Variants in MCTS1 observed in about 807,000 individuals in gnomAD.
MCTS1 encodes MCTS1 re-initiation and release factor.
For missense variants in MCTS1, 55 were observed against 128.6 expected, an observed-to-expected ratio of 0.43 and a Z score of 2.77; for synonymous variants, 26 against 40.8, an observed-to-expected ratio of 0.64 and a Z score of 1.38.
rs1254933308 is a variant in MCTS1 at position 120,620,179 on chromosome X, G to A, written c.*7915G>A. Reference sequence around the variant, plus strand: ...AAAAATTAACCGGACGCAGTGGTGGGCGCCTGTAGTCCCAGCTACTCGGGA... The same window carrying A: ...AAAAATTAACCGGACGCAGTGGTGGACGCCTGTAGTCCCAGCTACTCGGGA... On this transcript the variant is annotated 3_prime_UTR_variant, in exon 6 of 6. Transcript: ENST00000371317. Among the ~76,000 whole-genome samples, 1 of 110,039 alleles carries A rather than the reference G, an allele frequency of 9.1e-6. No individual in the cohort carries two copies. Among genetic ancestry groups the A allele is most frequent in the Non-Finnish European group, 1.9e-5 (1 of 52,805 alleles).
In MCTS1 at chrX:120,616,021, A is replaced by C. The variant is rs1054644456; in HGVS notation, c.*3757A>C. Among the ~76,000 whole-genome samples the C allele has an allele frequency of 1.3e-4, 15 of 113,032 alleles. No homozygotes were observed. The highest frequency in any genetic ancestry group is 2.1e-4 in the Non-Finnish European group (11 of 53,422). On this transcript the variant is annotated 3_prime_UTR_variant, in exon 6 of 6. Coordinates refer to ENST00000371317, the MANE Select transcript of MCTS1 (RefSeq NM_014060.3). ...AGTATAATACTTCAGAGGAAGAGAT[A>C]AGAATTACAATTCACTAAATTCGTG...
At chrX:120,611,225 A>G in intron 5 of MCTS1, 147 bp downstream of exon 5, 1 of 481,702 alleles carries the variant, frequency 2.1e-6, no homozygotes, top group Admixed American at 3.8e-5. Flanking sequence ...ATTTCCTAAC[A>G]CTTAGGAAGC....
rs1336605290 is a variant in MCTS1 at position 120,617,796 on chromosome X, TTTC to T, written c.*5538_*5540del. ...TAATAATCTATGGTGAAATAGGTAA[TTTC>T]TTCTTATTTTCACAAGCGTGTGAGT... On this transcript the variant is annotated 3_prime_UTR_variant, in exon 6 of 6. Coordinates refer to ENST00000371317, the MANE Select transcript of MCTS1 (RefSeq NM_014060.3). 6.2e-5 allele frequency among the ~76,000 whole-genome samples: 7 copies of T among 112,577 alleles called. No individual in the cohort carries two copies. Among genetic ancestry groups the T allele is most frequent in the African/African-American group, 1.3e-4 (4 of 31,004 alleles).
At chrX:120,608,449 T>C in intron 4 of MCTS1, 91 bp downstream of exon 4, 1 of 952,182 alleles carries the variant, frequency 1.1e-6, no homozygotes, top group Non-Finnish European at 1.4e-6. Flanking sequence ...GAACATTAGA[T>C]GTACTTTTTT....
rs140159145 is a variant in MCTS1, at chrX:120,619,620, T to C, written c.*7356T>C. On this transcript the variant is annotated 3_prime_UTR_variant, in exon 6 of 6. Coordinates refer to ENST00000371317, the MANE Select transcript of MCTS1 (RefSeq NM_014060.3). The stretch of plus-strand genomic sequence containing the variant: ...TCTCCTCTTGTATTTCATAAAATGT[T>C]AAATCTTGGCCCAAATTCAAATCAC... Among the ~76,000 whole-genome samples the C allele has an allele frequency of 0.013, 1,474 of 111,004 alleles. 26 individuals carry two copies. The highest frequency in any genetic ancestry group is 0.045 in the African/African-American group (1,385 of 30,514).
At chrX:120,609,022 A>G (rs1213650235) in intron 4 of MCTS1, among the ~76,000 whole-genome samples, 2 of 111,792 alleles carry the variant, frequency 1.8e-5, no homozygotes, top group African/African-American at 6.5e-5. Context: ...TTCCATTTCT[A>G]CCATGCTGTT....
chrX:120,608,595 G>A, intron 4 of MCTS1: 1 of 237,784 alleles, frequency 4.2e-6, no homozygotes, highest in African/African-American at 2.8e-5. Flanking sequence ...TTACAGAAGA[G>A]TCTCAGCTGC....
Position 120,608,346 on chromosome X carries a change from A to T in MCTS1, c.384A>T (p.Val128=), listed in dbSNP as rs1186415034. 4 of 1,192,595 alleles carry T rather than the reference A, an allele frequency of 3.4e-6. No individual in the cohort carries two copies. In the Admixed American group the frequency reaches 9.0e-5, roughly 27 times the overall value. The change falls in exon 4 of 6, where the codon GTA becomes GTT. Residue 128 remains valine (V), a synonymous_variant. Transcript: ENST00000371317. ...SPGAKLYPAA[V]DTIVAIMAEG... The stretch of plus-strand genomic sequence containing the variant: ...GAGCTAAGCTTTACCCTGCTGCAGT[A>T]GATACCATTGTTGTATCCTTCCCAG...
chrX:120,606,503 G>A (rs1380026426), intron 3 of MCTS1, among the ~76,000 whole-genome samples: 1 of 112,598 alleles, frequency 8.9e-6, no homozygotes, highest in Non-Finnish European at 1.9e-5. Flanking sequence ...AATATTTATT[G>A]CCGGGCACGG....
Position 120,613,216 on chromosome X carries a change from G to A in MCTS1, c.*952G>A, listed in dbSNP as rs774924479. Among the ~76,000 whole-genome samples, 4 of 110,253 alleles carry A rather than the reference G, an allele frequency of 3.6e-5. No individual in the cohort carries two copies. The highest frequency in any genetic ancestry group is 5.7e-4 in the East Asian group (2 of 3,514). On this transcript the variant is annotated 3_prime_UTR_variant, in exon 6 of 6. Coordinates refer to ENST00000371317, the MANE Select transcript of MCTS1 (RefSeq NM_014060.3). ...GCTGGGATTACAGGCATGAGCCACC[G>A]TGCCCAGCTAATTTTTATATATTTT...
In MCTS1 at chrX:120,612,326, G is replaced by T. The variant is rs1926708112; in HGVS notation, c.*62G>T. The T allele has an allele frequency of 2.5e-6, 2 of 811,801 alleles. No individual in the cohort carries two copies. Among genetic ancestry groups the T allele is most frequent in the South Asian group, 5.8e-5 (2 of 34,730 alleles). The allele number at this position is 811,801 out of a possible 1,213,427, so 66.9% of individuals were successfully genotyped here. A position where few individuals can be genotyped will look rare whatever the true frequency, so the allele number is the denominator to read the frequency against. ...TTGTGCTGTATCTGTGTTTGTGTCT[G>T]TGTGTGACAGCATGAAGATAATGCC... On this transcript the variant is annotated 3_prime_UTR_variant, in exon 6 of 6. Coordinates refer to ENST00000371317, the MANE Select transcript of MCTS1 (RefSeq NM_014060.3).
Position 120,615,951 on chromosome X carries a change from G to A in MCTS1, c.*3687G>A, listed in dbSNP as rs1199785842. 8.9e-6 allele frequency among the ~76,000 whole-genome samples: 1 copy of A among 112,668 alleles called. No individual in the cohort carries two copies. Among genetic ancestry groups the A allele is most frequent in the Non-Finnish European group, 1.9e-5 (1 of 53,351 alleles). On this transcript the variant is annotated 3_prime_UTR_variant, in exon 6 of 6. Coordinates refer to ENST00000371317, the MANE Select transcript of MCTS1 (RefSeq NM_014060.3). The stretch of plus-strand genomic sequence containing the variant: ...TCAAATAATAATGATATCCAGCCAG[G>A]TTCCCTGTCGTACCCAAATCAGTAA...
In MCTS1 at chrX:120,617,054, G is replaced by A. The variant is rs1258477105; in HGVS notation, c.*4790G>A. ...TGAGCTTCAGGCATCAGTCTTATTT[G>A]GAAGACTGTAAATCAACAGGCTAAC... On this transcript the variant is annotated 3_prime_UTR_variant, in exon 6 of 6. Coordinates refer to ENST00000371317, the MANE Select transcript of MCTS1 (RefSeq NM_014060.3). Among the ~76,000 whole-genome samples the A allele has an allele frequency of 8.9e-6, 1 of 112,286 alleles. No homozygotes were observed. The highest frequency in any genetic ancestry group is 1.9e-5 in the Non-Finnish European group (1 of 53,271).
Position 120,618,830 on chromosome X carries a change from T to G in MCTS1, c.*6566T>G, listed in dbSNP as rs1472862257. On this transcript the variant is annotated 3_prime_UTR_variant, in exon 6 of 6. Transcript: ENST00000371317. Reference sequence around the variant, plus strand: ...AGGAGTCCACAAAGTATTTCTGCTTTCTTGCTCCTGAATGCAAAGGTCTGA... The same window carrying G: ...AGGAGTCCACAAAGTATTTCTGCTTGCTTGCTCCTGAATGCAAAGGTCTGA... 1.9e-4 allele frequency among the ~76,000 whole-genome samples: 21 copies of G among 112,554 alleles called. No homozygotes were observed.
In MCTS1 at chrX:120,613,876, A is replaced by T. The variant is rs1043592832; in HGVS notation, c.*1612A>T. 8.9e-6 allele frequency among the ~76,000 whole-genome samples: 1 copy of T among 112,519 alleles called. No homozygotes were observed. The highest frequency in any genetic ancestry group is 3.2e-5 in the African/African-American group (1 of 30,991). On this transcript the variant is annotated 3_prime_UTR_variant, in exon 6 of 6. Coordinates refer to ENST00000371317, the MANE Select transcript of MCTS1 (RefSeq NM_014060.3). ...AGTAATCTGTTTGGGGAGTTAAAAG[A>T]GCAGTTGTGGATTTATTTATTGATA... is the stretch of plus-strand genomic sequence containing the variant.
In MCTS1 at chrX:120,616,897, A is replaced by G. The variant is rs193187500; in HGVS notation, c.*4633A>G. ...AATTAATGGATTGTTTTAGAAATGT[A>G]TTTGTGAAATATAGCAAACATAGCT... is the stretch of plus-strand genomic sequence containing the variant. On this transcript the variant is annotated 3_prime_UTR_variant, in exon 6 of 6. Transcript: ENST00000371317. Among the ~76,000 whole-genome samples, 1 of 112,361 alleles carries G rather than the reference A, an allele frequency of 8.9e-6. No individual in the cohort carries two copies. The highest frequency in any genetic ancestry group is 1.9e-5 in the Non-Finnish European group (1 of 53,305).
rs770966429 is a variant in MCTS1, at chrX:120,613,117, G to C, written c.*853G>C. Among the ~76,000 whole-genome samples the C allele has an allele frequency of 1.6e-4, 17 of 109,572 alleles. No homozygotes were observed. Among genetic ancestry groups the C allele is most frequent in the African/African-American group, 5.3e-4 (16 of 30,141 alleles). On this transcript the variant is annotated 3_prime_UTR_variant, in exon 6 of 6. Transcript: ENST00000371317. ...AATTTTGTATTTTTGGTAGAGATGG[G>C]GTTTCGCTATGTTGGCCAGACTGGT...
At chrX:120,609,287 A>G (rs967088161) in intron 4 of MCTS1, among the ~76,000 whole-genome samples, 1 of 111,388 alleles carries the variant, frequency 9.0e-6, no homozygotes, top group African/African-American at 3.3e-5. Context: ...GGTTCAAGCA[A>G]TTCTCCTGCC....
rs1926837507 is a variant in MCTS1, at chrX:120,615,893, A to G, written c.*3629A>G. Among the ~76,000 whole-genome samples the G allele has an allele frequency of 8.9e-6, 1 of 112,202 alleles. No individual in the cohort carries two copies. Among genetic ancestry groups the G allele is most frequent in the African/African-American group, 3.2e-5 (1 of 30,931 alleles). On this transcript the variant is annotated 3_prime_UTR_variant, in exon 6 of 6. Transcript: ENST00000371317. Reference sequence around the variant, plus strand: ...GAACATTTCCAATTTGAGGGATTTTATATTCCCCAAACAGAAGGTTATATG... The same window carrying G: ...GAACATTTCCAATTTGAGGGATTTTGTATTCCCCAAACAGAAGGTTATATG...
Sources: allele counts gnomAD v4.1 joint callset (sites outside exome capture counted in the v4.1 genomes callset), GRCh38; gene constraint gnomAD v4.1.1; transcripts MANE v1.5; gene names NCBI Gene and HGNC (gene_info 2026-07-23, HGNC 2026-07-21).